Variants in TMPRSS11F observed in about 807,000 individuals in gnomAD.
TMPRSS11F encodes the protein transmembrane protease serine 11F.
A neutral mutation model predicts 60.2 loss-of-function variants in TMPRSS11F; 47 were observed. That is an observed-to-expected ratio of 0.78 (90% CI 0.62 to 1.00). The LOEUF is 1.00. Ranked by LOEUF, TMPRSS11F falls within the 50% of genes least tolerant of loss-of-function variation. TMPRSS11F has a pLI of 0.00. For synonymous variants in TMPRSS11F, 166 were observed against 167.3 expected (o/e 0.99, Z 0.06); for missense variants, 519 against 522.9 (o/e 0.99, Z 0.07).
At chr4:68,073,652 T>C (rs1723524435) in intron 4 of TMPRSS11F, among the ~76,000 whole-genome samples, 1 of 147,220 alleles carries the variant, frequency 6.8e-6, no homozygotes, top group Non-Finnish European at 1.5e-5. Flanking sequence ...TAAGTTCTAC[T>C]TAGCCCCTAG....
chr4:68,090,456 T>C, intron 3 of TMPRSS11F, 67 bp downstream of exon 3: 1 of 1,501,916 alleles, frequency 6.7e-7, no homozygotes. Context: ...AGTTCCTATA[T>C]AACACCCACA....
intron 1 of TMPRSS11F, among the ~76,000 whole-genome samples, chr4:68,111,805 T>C (rs571969541): frequency 2.6e-4 from 39 of 152,314 alleles, no homozygotes; most frequent in African/African-American, 9.1e-4. Flanking sequence ...GAGAGACTAA[T>C]TTAGGCAAGG....
intron 2 of TMPRSS11F, among the ~76,000 whole-genome samples, chr4:68,097,933 C>T (rs947104674): frequency 1.3e-5 from 2 of 152,042 alleles, no homozygotes; most frequent in African/African-American, 2.4e-5. Context: ...ATTTCTTCTT[C>T]GGATCTTTCA....
chr4:68,079,966 T>C (rs368043956), intron 3 of TMPRSS11F, among the ~76,000 whole-genome samples: 3 of 152,354 alleles, frequency 2.0e-5, no homozygotes, highest in African/African-American at 7.2e-5. Flanking sequence ...GGAAGATCAG[T>C]AGTTACTGTA....
In TMPRSS11F at chr4:68,068,774, G is replaced by A. The variant is rs1217571260; in HGVS notation, c.599C>T (p.Ser200Phe). 6.2e-7 allele frequency: 1 copy of A among 1,614,190 alleles called. No individual in the cohort carries two copies. The change falls in exon 7 of 10, where the codon TCC becomes TTC. Residue 200 changes from serine (S) to phenylalanine (F), a missense_variant. Physicochemically the swap from Ser to Phe is radical, Grantham distance 155. Coordinates refer to ENST00000356291, the MANE Select transcript of TMPRSS11F (RefSeq NM_207407.2). ...TTGGACAATTCTTTGAGTAGAAGAG[G>A]ATGCTGGTAATGGCATGTTTGAAGA... The part of the protein sequence containing the change: ...MTSSNMPLPA[S>F]SSTQRIVQGR...
chr4:68,055,984 A>C (rs1247847935), intron 9 of TMPRSS11F, among the ~76,000 whole-genome samples: 1 of 152,172 alleles, frequency 6.6e-6, no homozygotes, highest in Non-Finnish European at 1.5e-5. Flanking sequence ...AAAGCTTTTG[A>C]AAAAATTCAA....
Position 68,053,748 on chromosome 4 carries a change from C to G in TMPRSS11F, c.*161G>C. On this transcript the variant is annotated 3_prime_UTR_variant, in exon 10 of 10. Transcript: ENST00000356291. ...TCATGGTAGAGAGGGTTTGGTCCTACGTATGTAAAGGCCACCTCAGGATAT... is the reference window on the plus strand; with the variant it reads ...TCATGGTAGAGAGGGTTTGGTCCTAGGTATGTAAAGGCCACCTCAGGATAT... The G allele has an allele frequency of 1.7e-6, 1 of 585,870 alleles. No homozygotes were observed. The highest frequency in any genetic ancestry group is 2.9e-6 in the Non-Finnish European group (1 of 349,890). 36.3% of individuals were successfully genotyped at this position (585,870 alleles called of 1,614,324 possible).
intron 8 of TMPRSS11F, 67 bp from the exon 9 acceptor site, chr4:68,059,535 A>G (rs1249191422): frequency 6.8e-7 from 1 of 1,466,698 alleles, no homozygotes; most frequent in African/African-American, 1.4e-5. Flanking sequence ...TCTAAGACAT[A>G]GAAGACACAT....
At chr4:68,065,009 G>A in intron 7 of TMPRSS11F, 65 bp from the exon 8 acceptor site, 1 of 1,472,290 alleles carries the variant, frequency 6.8e-7, no homozygotes, top group Admixed American at 2.1e-5. Context: ...GACTGAGACT[G>A]TATTTCTTCC....
chr4:68,125,986 G>A (rs1724706734), intron 1 of TMPRSS11F, among the ~76,000 whole-genome samples: 1 of 152,078 alleles, frequency 6.6e-6, no homozygotes, highest in Non-Finnish European at 1.5e-5. Flanking sequence ...TAAAAAGCTA[G>A]CCATTAAAGA....
At chr4:68,084,421 A>T (rs1723766996) in intron 3 of TMPRSS11F, among the ~76,000 whole-genome samples, 1 of 152,198 alleles carries the variant, frequency 6.6e-6, no homozygotes, top group African/African-American at 2.4e-5. Context: ...TTAGCTACAG[A>T]GACGGGTCAG....
intron 1 of TMPRSS11F, among the ~76,000 whole-genome samples, chr4:68,115,043 G>C (rs1244173879): frequency 2.1e-5 from 3 of 145,500 alleles, no homozygotes; most frequent in African/African-American, 7.7e-5. Context: ...CTTTCAACAA[G>C]CTAGGGATAG....
chr4:68,097,613 G>A (rs1724099400), intron 2 of TMPRSS11F, among the ~76,000 whole-genome samples: 1 of 152,062 alleles, frequency 6.6e-6, no homozygotes, highest in Non-Finnish European at 1.5e-5. Context: ...TGGACATCTT[G>A]GCATGGGAAT....
Position 68,115,597 on chromosome 4 carries a change from C to A in TMPRSS11F, c.11+14213G>T, listed in dbSNP as rs183880136. ...ACACAAGATGGCAAGGAATAAAGTG[C>A]TTTTATTAATATACTATAAAGAAAA... On this transcript the variant is annotated intron_variant, in intron 1 of 9. Coordinates refer to ENST00000356291, the MANE Select transcript of TMPRSS11F (RefSeq NM_207407.2). 4.6e-4 allele frequency among the ~76,000 whole-genome samples: 70 copies of A among 152,120 alleles called. 1 individual carries two copies. Among genetic ancestry groups the A allele is most frequent in the Admixed American group, 4.5e-3 (69 of 15,276 alleles).
At chr4:68,082,190 T>C (rs1723709164) in intron 3 of TMPRSS11F, among the ~76,000 whole-genome samples, 1 of 152,048 alleles carries the variant, frequency 6.6e-6, no homozygotes, top group African/African-American at 2.4e-5. Flanking sequence ...AGGGAAGGGG[T>C]GAATGAAGTG....
intron 5 of TMPRSS11F, among the ~76,000 whole-genome samples, chr4:68,071,569 T>G (rs1328131455): frequency 1.3e-5 from 2 of 152,228 alleles, no homozygotes; most frequent in African/African-American, 4.8e-5. Flanking sequence ...ACACAGGTCC[T>G]GCCCTTGACA....
chr4:68,119,268 A>G (rs927428559), intron 1 of TMPRSS11F, among the ~76,000 whole-genome samples: 1 of 152,076 alleles, frequency 6.6e-6, no homozygotes, highest in Non-Finnish European at 1.5e-5. Context: ...AAGTTAGTTC[A>G]TGAGATTTAA....
chr4:68,127,014 C>T lies in TMPRSS11F; in HGVS notation c.11+2796G>A, dbSNP rs118139651. Among the ~76,000 whole-genome samples the T allele has an allele frequency of 5.9e-5, 9 of 152,330 alleles. No homozygotes were observed. In the East Asian group the frequency reaches 1.7e-3, roughly 29 times the overall value. ...AAAAAGTGACAGTAGCACCATCAAG[C>T]TGCACTGGTCCACTCCAATGGTTCT... is the stretch of plus-strand genomic sequence containing the variant. On this transcript the variant is annotated intron_variant, in intron 1 of 9. Coordinates refer to ENST00000356291, the MANE Select transcript of TMPRSS11F (RefSeq NM_207407.2).
intron 3 of TMPRSS11F, among the ~76,000 whole-genome samples, chr4:68,075,627 A>G (rs1723566478): frequency 6.6e-6 from 1 of 152,196 alleles, no homozygotes; most frequent in South Asian, 2.1e-4. Flanking sequence ...AAGAGAAATA[A>G]AAGAAAACTA....
Sources: gnomAD v4.1 joint callset for allele counts (sites outside exome capture counted in the v4.1 genomes callset) on GRCh38, gnomAD v4.1.1 for gene constraint, MANE v1.5 for transcripts, NCBI Gene and HGNC (gene_info 2026-07-23, HGNC 2026-07-21) for gene names.